SLC2A13: variants seen among roughly 807,000 people sequenced by gnomAD.
SLC2A13 encodes the protein solute carrier family 2 member 13.
SLC2A13 carries 32 observed loss-of-function variants against 64.4 expected under a neutral mutation model. That is an observed-to-expected ratio of 0.50 (90% CI 0.37 to 0.67). SLC2A13 has a LOEUF of 0.67. SLC2A13 is among the 30% of genes least tolerant of loss of function. SLC2A13 has a pLI of 0.00. For synonymous variants in SLC2A13, 338 were observed against 327.1 expected, an observed-to-expected ratio of 1.03 and a Z score of -0.36; for missense variants, 743 against 829.2, an observed-to-expected ratio of 0.90 and a Z score of 1.28.
chr12:39,837,363 G>A (rs1244370846), intron 6 of SLC2A13, among the ~76,000 whole-genome samples: 2 of 137,432 alleles, frequency 1.5e-5, no homozygotes, highest in East Asian at 2.2e-4. Context: ...AGACTTAAAC[G>A]TTAGACCTAA....
chr12:39,806,032 C>T (rs1941969678), intron 7 of SLC2A13, among the ~76,000 whole-genome samples: 1 of 152,100 alleles, frequency 6.6e-6, no homozygotes, highest in Admixed American at 6.6e-5. Context: ...TTGATTGCTA[C>T]CAGAAAAAGC....
At chr12:39,866,751 T>C (rs971778306) in intron 5 of SLC2A13, among the ~76,000 whole-genome samples, 11 of 152,180 alleles carry the variant, frequency 7.2e-5, no homozygotes, top group African/African-American at 2.7e-4. Flanking sequence ...AGTGCTGGGA[T>C]TACAGGCGTG....
At chr12:39,791,327 CTT>C (rs1179303693) in intron 7 of SLC2A13, among the ~76,000 whole-genome samples, 1 of 87,796 alleles carries the variant, frequency 1.1e-5, no homozygotes, top group Non-Finnish European at 2.3e-5. Context: ...ACAGGGATGC[CTT>C]CTCTCACCAC....
intron 3 of SLC2A13, among the ~76,000 whole-genome samples, chr12:40,015,823 A>T (rs191751539): frequency 3.0e-3 from 463 of 152,332 alleles, no homozygotes; most frequent in Non-Finnish European, 3.8e-3. Flanking sequence ...TATGCAGTTT[A>T]CTTGAGGTTT....
At chr12:39,782,390 C>T (rs1329721774) in intron 7 of SLC2A13, among the ~76,000 whole-genome samples, 3 of 152,102 alleles carry the variant, frequency 2.0e-5, no homozygotes, top group East Asian at 1.9e-4. Context: ...GTAAGTGTCA[C>T]GAAATCTGAT....
chr12:39,971,997 A>AAAAAAATATATATATATATATATAT (rs1375405006), intron 3 of SLC2A13, among the ~76,000 whole-genome samples: 2 of 77,378 alleles, frequency 2.6e-5, no homozygotes, highest in Non-Finnish European at 5.0e-5. Flanking sequence ...AAAAAAAAAA[A>AAAAAAATATATATATATATATATAT]ATATATATAT....
chr12:39,835,820 T>C (rs1269157318), intron 6 of SLC2A13: 1 of 152,120 alleles, frequency 6.6e-6, no homozygotes, highest in Non-Finnish European at 1.5e-5. Context: ...ACTTGGTTTA[T>C]GGAAAATAAT....
chr12:39,774,464 A>T (rs1301987905), intron 7 of SLC2A13, among the ~76,000 whole-genome samples: 1 of 152,188 alleles, frequency 6.6e-6, no homozygotes, highest in Non-Finnish European at 1.5e-5. Context: ...GCCACATAGC[A>T]TTTAAACTCT....
chr12:39,905,833 A>AAAAC (rs66809735), intron 4 of SLC2A13, among the ~76,000 whole-genome samples: 33 of 151,582 alleles, frequency 2.2e-4, no homozygotes, highest in South Asian at 1.3e-3. Flanking sequence ...AAAAAAAAAA[A>AAAAC]AACTACACTT....
intron 6 of SLC2A13, among the ~76,000 whole-genome samples, chr12:39,851,793 C>T (rs1237623494): frequency 2.0e-5 from 3 of 152,090 alleles, no homozygotes; most frequent in Non-Finnish European, 4.4e-5. Context: ...TTAAGTACTC[C>T]TACATGGTTT....
intron 7 of SLC2A13, among the ~76,000 whole-genome samples, chr12:39,812,408 TCCTTCCTTCCTTCCTG>T (rs1248704456): frequency 2.0e-5 from 3 of 149,730 alleles, no homozygotes; most frequent in Non-Finnish European, 4.5e-5. Context: ...CTTTCTTCCT[TCCTTCCTTCCTTCCTG>T]CCTTCCTTCC....
intron 7 of SLC2A13, among the ~76,000 whole-genome samples, chr12:39,772,045 A>G (rs1940598089): frequency 6.6e-6 from 1 of 151,992 alleles, no homozygotes; most frequent in Admixed American, 6.6e-5. Context: ...CCTGTCCGAG[A>G]TATTCTCTCC....
intron 4 of SLC2A13, among the ~76,000 whole-genome samples, chr12:39,912,764 G>T (rs1945451582): frequency 6.6e-6 from 1 of 152,062 alleles, no homozygotes; most frequent in Non-Finnish European, 1.5e-5. Flanking sequence ...CTGCTGATCT[G>T]GCCTCGAGTA....
At chr12:39,883,130 TATC>T (rs1393934465) in intron 4 of SLC2A13, among the ~76,000 whole-genome samples, 1 of 152,188 alleles carries the variant, frequency 6.6e-6, no homozygotes, top group Non-Finnish European at 1.5e-5. Context: ...GTTAAGTATA[TATC>T]ATTAAATTTT....
At chr12:39,920,328 G>A (rs376460475) in intron 4 of SLC2A13, among the ~76,000 whole-genome samples, 2 of 152,038 alleles carry the variant, frequency 1.3e-5, no homozygotes, top group South Asian at 2.1e-4. Flanking sequence ...ACATTGTTCT[G>A]AACAACGTAG....
chr12:39,901,022 A>G (rs1231637037), intron 4 of SLC2A13, among the ~76,000 whole-genome samples: 1 of 152,214 alleles, frequency 6.6e-6, no homozygotes, highest in Non-Finnish European at 1.5e-5. Context: ...CAGAGCCCTC[A>G]GAAATAACAC....
chr12:39,830,274 T>C (rs755658864), intron 6 of SLC2A13, 46 bp from the exon 7 acceptor site: 2 of 1,595,474 alleles, frequency 1.3e-6, no homozygotes, highest in Non-Finnish European at 1.7e-6. Flanking sequence ...AGACAACTGG[T>C]GCTCACCATA....
intron 1 of SLC2A13, among the ~76,000 whole-genome samples, chr12:40,095,921 T>C (rs1938925756): frequency 6.6e-6 from 1 of 152,120 alleles, no homozygotes; most frequent in African/African-American, 2.4e-5. Context: ...GCTTAGTTTT[T>C]TGGGGTTTTT....
At chr12:39,829,807 GA>G (rs1188950786) in intron 7 of SLC2A13, 1 of 353,766 alleles carries the variant, frequency 2.8e-6, no homozygotes, top group African/African-American at 2.1e-5. Flanking sequence ...TATGCAGTGG[GA>G]GAAATTGCCT....
Sources: gnomAD v4.1 joint callset for allele counts (sites outside exome capture counted in the v4.1 genomes callset) on GRCh38, gnomAD v4.1.1 for gene constraint, MANE v1.5 for transcripts, NCBI Gene and HGNC (gene_info 2026-07-23, HGNC 2026-07-21) for gene names.